Variants in LINGO2 observed in about 807,000 individuals in gnomAD.
The protein encoded by LINGO2 is leucine rich repeat and Ig domain containing 2, also known as leucine-rich repeat and immunoglobulin-like domain-containing nogo receptor-interacting protein 2.
LINGO2 carries 14 observed loss-of-function variants against 30.6 expected under a neutral mutation model. The observed-to-expected ratio is 0.46, with a 90% CI of 0.30 to 0.72. LINGO2 has a LOEUF of 0.72. LINGO2 is among the 30% of genes least tolerant of loss of function. The probability of loss-of-function intolerance (pLI) is 0.07; values close to 1 mark genes in which losing one functional copy is unlikely to be tolerated. For synonymous variants in LINGO2, 317 were observed against 288.5 expected (o/e 1.10, Z -1.00); for missense variants, 729 against 751.7 (o/e 0.97, Z 0.35).
the LINGO2 span, among the ~76,000 whole-genome samples, chr9:28,878,043 C>T: frequency 3.3e-5 from 5 of 152,002 alleles, no homozygotes; most frequent in African/African-American, 1.2e-4. Flanking sequence ...ATTAATGAAT[C>T]CGGGAGCTGG....
the LINGO2 span, among the ~76,000 whole-genome samples, chr9:29,182,110 G>A: frequency 1.3e-5 from 2 of 152,040 alleles, no homozygotes. Context: ...TTTGAGGTGA[G>A]TATCATAATT....
At chr9:28,888,006 C>A in the LINGO2 span, among the ~76,000 whole-genome samples, 1 of 152,004 alleles carries the variant, frequency 6.6e-6, no homozygotes, top group Non-Finnish European at 1.5e-5. Flanking sequence ...TTGAAGATAA[C>A]ATTTTGAGGA....
At chr9:28,736,714 C>G in the LINGO2 span, among the ~76,000 whole-genome samples, 4 of 152,050 alleles carry the variant, frequency 2.6e-5, no homozygotes, top group African/African-American at 4.8e-5. Context: ...AATGCTTGAA[C>G]CCAGGAGGCA....
chr9:28,219,342 C>T (rs770465944), intron 4 of LINGO2, among the ~76,000 whole-genome samples: 3 of 152,092 alleles, frequency 2.0e-5, no homozygotes, highest in Non-Finnish European at 4.4e-5. Context: ...AAAAATGGGG[C>T]TTCTTGTTCA....
chr9:29,080,392 A>G, the LINGO2 span, among the ~76,000 whole-genome samples: 1 of 151,440 alleles, frequency 6.6e-6, no homozygotes, highest in South Asian at 2.1e-4. Flanking sequence ...TCAAAAAACC[A>G]GCTCCTGGAT....
At chr9:28,271,064 C>A (rs1201373225) in intron 4 of LINGO2, among the ~76,000 whole-genome samples, 2 of 151,766 alleles carry the variant, frequency 1.3e-5, no homozygotes, top group Non-Finnish European at 2.9e-5. Context: ...ATTAAGCAAC[C>A]CATACATTCC....
At chr9:28,187,913 T>C (rs1819600547) in intron 4 of LINGO2, among the ~76,000 whole-genome samples, 1 of 152,168 alleles carries the variant, frequency 6.6e-6, no homozygotes, top group Admixed American at 6.5e-5. Flanking sequence ...AATAACTAGG[T>C]AATTGCCTTT....
the LINGO2 span, among the ~76,000 whole-genome samples, chr9:28,743,680 C>A: frequency 6.6e-6 from 1 of 151,958 alleles, no homozygotes; most frequent in Non-Finnish European, 1.5e-5. Context: ...ATAAATTGAA[C>A]TGCCCTCTAT....
chr9:28,010,088 T>A (rs1245032255), intron 5 of LINGO2, among the ~76,000 whole-genome samples: 2 of 151,880 alleles, frequency 1.3e-5, no homozygotes, highest in Non-Finnish European at 2.9e-5. Flanking sequence ...TCGGGATGAA[T>A]CTTGATATCA....
chr9:27,949,985 G>A (rs749739687), exon 6 of LINGO2: 2 of 1,614,064 alleles, frequency 1.2e-6, no homozygotes, highest in Non-Finnish European at 1.7e-6. Flanking sequence ...CAATCTCTAG[G>A]TGTTTCAGGT....
intron 2 of LINGO2, among the ~76,000 whole-genome samples, chr9:28,460,201 G>T (rs902853758): frequency 2.0e-5 from 3 of 152,032 alleles, no homozygotes; most frequent in African/African-American, 7.2e-5. Flanking sequence ...CCTGCAGTCT[G>T]GAAAACCAGT....
At chr9:28,135,682 G>C (rs1827497931) in intron 4 of LINGO2, among the ~76,000 whole-genome samples, 1 of 151,870 alleles carries the variant, frequency 6.6e-6, no homozygotes, top group African/African-American at 2.4e-5. Context: ...CCCTCACTCA[G>C]CCACGTTAAT....
At chr9:28,010,572 A>G (rs1363581257) in intron 5 of LINGO2, among the ~76,000 whole-genome samples, 1 of 152,198 alleles carries the variant, frequency 6.6e-6, no homozygotes, top group Non-Finnish European at 1.5e-5. Context: ...AGTCAGGTTT[A>G]TTTCTTGAGT....
intron 2 of LINGO2, among the ~76,000 whole-genome samples, chr9:28,374,590 G>T (rs566090273): frequency 1.2e-4 from 19 of 152,214 alleles, no homozygotes; most frequent in Admixed American, 3.3e-4. Context: ...TAGCTTGCCA[G>T]ATCTGTACAA....
At chr9:28,665,438 A>G (rs933158693) in intron 1 of LINGO2, among the ~76,000 whole-genome samples, 10 of 152,150 alleles carry the variant, frequency 6.6e-5, no homozygotes, top group African/African-American at 2.4e-4. Context: ...ATGATCCAAT[A>G]GAATCATAAG....
At chr9:28,447,657 T>A (rs968495410) in intron 2 of LINGO2, among the ~76,000 whole-genome samples, 4 of 152,206 alleles carry the variant, frequency 2.6e-5, no homozygotes, top group Non-Finnish European at 5.9e-5. Context: ...TTGAAACTGT[T>A]AGCTTTCACT....
chr9:28,364,769 A>G (rs1165499769), intron 3 of LINGO2, among the ~76,000 whole-genome samples: 1 of 152,232 alleles, frequency 6.6e-6, no homozygotes, highest in Non-Finnish European at 1.5e-5. Context: ...ATTTTGCATT[A>G]CAATTGTCCA....
chr9:28,959,567 G>A, the LINGO2 span, among the ~76,000 whole-genome samples: 7 of 145,960 alleles, frequency 4.8e-5, no homozygotes, highest in Non-Finnish European at 1.0e-4. Flanking sequence ...TTCTCCTTCA[G>A]TTCCTTTCTC....
the LINGO2 span, among the ~76,000 whole-genome samples, chr9:29,118,889 G>T: frequency 6.6e-6 from 1 of 152,122 alleles, no homozygotes; most frequent in African/African-American, 2.4e-5. Context: ...ACCCATCCAT[G>T]CCCCAGTAAC....
Sources: gnomAD v4.1 joint callset for allele counts (sites outside exome capture counted in the v4.1 genomes callset) on GRCh38, gnomAD v4.1.1 for gene constraint, MANE v1.5 for transcripts, NCBI Gene and HGNC (gene_info 2026-07-23, HGNC 2026-07-21) for gene names.